Variants in STAU2 observed in about 807,000 individuals in gnomAD.
STAU2 encodes double-stranded RNA-binding protein Staufen homolog 2.
A neutral mutation model predicts 65.9 loss-of-function variants in STAU2; 20 were observed. The ratio of observed to expected loss-of-function variants is 0.30; its 90% CI spans 0.21 to 0.44. The LOEUF (loss-of-function observed/expected upper bound fraction) is 0.44. Among genes scored for constraint, STAU2 ranks in the 20% least tolerant of loss-of-function variants. The pLI is 1.00. For synonymous variants in STAU2, 232 were observed against 233.9 expected (o/e 0.99, Z 0.07); for missense variants, 558 against 683.9 (o/e 0.82, Z 2.05).
intron 13 of STAU2, among the ~76,000 whole-genome samples, chr8:73,508,320 C>A (rs1014208582): frequency 6.6e-6 from 1 of 151,986 alleles, no homozygotes; most frequent in South Asian, 2.1e-4. Context: ...ATTAATTGGC[C>A]TCATTTCAAT....
At chr8:73,443,140 C>T (rs565288172) in intron 13 of STAU2, among the ~76,000 whole-genome samples, 163 of 152,084 alleles carry the variant, frequency 1.1e-3, no homozygotes, top group African/African-American at 3.7e-3. Flanking sequence ...AGGCATATTG[C>T]GAATGTTTTT....
chr8:73,428,118 C>A (rs2128880856), intron 13 of STAU2, among the ~76,000 whole-genome samples: 1 of 152,320 alleles, frequency 6.6e-6, no homozygotes, highest in East Asian at 1.9e-4. Flanking sequence ...CTTTGACTAT[C>A]ATTTTCCCAT....
At chr8:73,680,721 C>T (rs572577447) in intron 5 of STAU2, among the ~76,000 whole-genome samples, 6 of 151,712 alleles carry the variant, frequency 4.0e-5, no homozygotes, top group Non-Finnish European at 8.8e-5. Flanking sequence ...TAAAATAATA[C>T]AAGACATGGA....
At chr8:73,621,575 A>G (rs1813237227) in intron 6 of STAU2, among the ~76,000 whole-genome samples, 1 of 152,150 alleles carries the variant, frequency 6.6e-6, no homozygotes, top group Admixed American at 6.5e-5. Flanking sequence ...CAATGTTTAG[A>G]TCCCCATAAT....
chr8:73,481,516 C>CAA (rs33917654), intron 13 of STAU2, among the ~76,000 whole-genome samples: 51,205 of 137,446 alleles, frequency 0.37, 10,350 homozygotes, highest in Non-Finnish European at 0.46. Context: ...AACAAAAAAA[C>CAA]AAAAAAAAAA....
chr8:73,747,089 C>T (rs1807343822), upstream of STAU2, among the ~76,000 whole-genome samples: 1 of 151,696 alleles, frequency 6.6e-6, no homozygotes, highest in South Asian at 2.1e-4. Flanking sequence ...GCAGCTCCCG[C>T]CCCCTGGCGG....
At chr8:73,670,861 TAAAG>T (rs1817622742) in intron 6 of STAU2, among the ~76,000 whole-genome samples, 1 of 151,664 alleles carries the variant, frequency 6.6e-6, no homozygotes, top group African/African-American at 2.4e-5. Context: ...GTGAGAGAAA[TAAAG>T]AAAAATCAAT....
chr8:73,519,533 T>C (rs1822930958), intron 13 of STAU2, among the ~76,000 whole-genome samples: 1 of 152,190 alleles, frequency 6.6e-6, no homozygotes, highest in Non-Finnish European at 1.5e-5. Flanking sequence ...GGAGATATTA[T>C]GATGGATTTC....
At chr8:73,725,999 C>T (rs796087338) in intron 3 of STAU2, among the ~76,000 whole-genome samples, 8 of 147,524 alleles carry the variant, frequency 5.4e-5, no homozygotes, top group South Asian at 2.2e-4. Context: ...TTATGATGTG[C>T]GTGGTTAGGT....
chr8:73,519,991 A>C (rs1407631247), intron 13 of STAU2, among the ~76,000 whole-genome samples: 1 of 152,238 alleles, frequency 6.6e-6, no homozygotes, highest in African/African-American at 2.4e-5. Context: ...GACTGGAGTG[A>C]CATCTTGGCT....
chr8:73,515,924 G>A (rs1428244257), intron 13 of STAU2, among the ~76,000 whole-genome samples: 1 of 149,892 alleles, frequency 6.7e-6, no homozygotes, highest in East Asian at 2.0e-4. Context: ...TCTTGATAGG[G>A]CACTGACTCT....
chr8:73,677,679 A>T (rs1264317866), intron 5 of STAU2, among the ~76,000 whole-genome samples: 1 of 152,194 alleles, frequency 6.6e-6, no homozygotes, highest in Non-Finnish European at 1.5e-5. Context: ...AGTGGGCATG[A>T]GGGAAGCTTC....
At chr8:73,581,763 T>G (rs895602868) in intron 12 of STAU2, among the ~76,000 whole-genome samples, 61 of 13,320 alleles carry the variant, frequency 4.6e-3, no homozygotes, top group Non-Finnish European at 6.0e-3. Flanking sequence ...TGCCATTACC[T>G]CACTGAAATA....
intron 13 of STAU2, among the ~76,000 whole-genome samples, chr8:73,544,310 GTCTT>G (rs559839468): frequency 1.4e-3 from 206 of 152,122 alleles, no homozygotes; most frequent in African/African-American, 4.8e-3. Flanking sequence ...ATTCTAATTG[GTCTT>G]TCTATTATCA....
chr8:73,461,541 C>A (rs771691010), intron 13 of STAU2, among the ~76,000 whole-genome samples: 1 of 151,896 alleles, frequency 6.6e-6, no homozygotes. Flanking sequence ...TATGAGGTGA[C>A]TTTGGAAGCT....
Position 73,548,698 on chromosome 8 carries a change from T to A in STAU2, c.1530+3314A>T, listed in dbSNP as rs997389442. Among the ~76,000 whole-genome samples the A allele has an allele frequency of 2.6e-5, 4 of 152,288 alleles. No individual in the cohort carries two copies. In the East Asian group the frequency reaches 7.7e-4, roughly 29 times the overall value. ...TAGTTTAACTAAAACACCAACTAAG[T>A]GTTTCTTTATATTATTTATGTGAGG... On this transcript the variant is annotated intron_variant, in intron 13 of 14. Coordinates refer to ENST00000524300, the MANE Select transcript of STAU2 (RefSeq NM_001164380.2).
intron 6 of STAU2, among the ~76,000 whole-genome samples, chr8:73,637,477 T>TAAAAAAAAAAAAAAA (rs60833468): frequency 0.017 from 977 of 57,250 alleles, 5 homozygotes; most frequent in Middle Eastern, 0.025. Context: ...GTGCTGAAAG[T>TAAAAAAAAAAAAAAA]AAAAAAAAAA....
chr8:73,486,706 T>A (rs1290371668), intron 13 of STAU2, among the ~76,000 whole-genome samples: 3 of 150,364 alleles, frequency 2.0e-5, no homozygotes, highest in Non-Finnish European at 4.4e-5. Flanking sequence ...CAGACTGGAG[T>A]GTAGTGGCAT....
At chr8:73,659,018 G>A (rs942249995) in intron 6 of STAU2, among the ~76,000 whole-genome samples, 5 of 151,396 alleles carry the variant, frequency 3.3e-5, no homozygotes, top group African/African-American at 1.2e-4. Flanking sequence ...AACCTTCACT[G>A]AAAATCAGTA....
Sources: allele counts gnomAD v4.1 joint callset (sites outside exome capture counted in the v4.1 genomes callset), GRCh38; gene constraint gnomAD v4.1.1; transcripts MANE v1.5; gene names NCBI Gene and HGNC (gene_info 2026-07-23, HGNC 2026-07-21).